The following RCAN2 variants were observed in gnomAD, a reference collection of about 807,000 sequenced individuals.
The protein encoded by RCAN2 is calcipressin-2.
In RCAN2, 9 loss-of-function variants were observed where a neutral mutation model predicts 23.6. The ratio of observed to expected loss-of-function variants is 0.38; its 90% CI spans 0.23 to 0.67. RCAN2 has a LOEUF of 0.67. Ranked by LOEUF, RCAN2 falls within the 30% of genes least tolerant of loss-of-function variation. The probability of loss-of-function intolerance (pLI) is 0.51; values close to 1 mark genes in which losing one functional copy is unlikely to be tolerated. For synonymous variants in RCAN2, 109 were observed against 115.7 expected, an observed-to-expected ratio of 0.94 and a Z score of 0.37; for missense variants, 273 against 302.3, an observed-to-expected ratio of 0.90 and a Z score of 0.72.
chr6:46,346,100 A>G (rs1561868546), intron 2 of RCAN2, among the ~76,000 whole-genome samples: 1 of 152,176 alleles, frequency 6.6e-6, no homozygotes, highest in Non-Finnish European at 1.5e-5. Flanking sequence ...TTAGAAATCA[A>G]TTTGAAAATA....
intron 2 of RCAN2, among the ~76,000 whole-genome samples, chr6:46,355,615 C>G (rs1339295161): frequency 1.3e-5 from 2 of 152,218 alleles, no homozygotes. Context: ...GGCAATATAT[C>G]ACCCAAATCT....
rs1561834127 is a variant in RCAN2, at chr6:46,263,549, GTGTGTGTGTGTA to G, written c.226-14665_226-14654del. On this transcript the variant is annotated intron_variant, in intron 2 of 4. Transcript: ENST00000371374. ...TGTGTGTGTGTGTGTATGTGTGTGT[GTGTGTGTGTGTA>G]TGTGTGTGTGTGTTAGTATAGGGGG... Among the ~76,000 whole-genome samples the G allele has an allele frequency of 6.8e-4, 94 of 137,862 alleles. 1 individual carries two copies. The highest frequency in any genetic ancestry group is 2.3e-3 in the African/African-American group (82 of 36,294). The allele number at this position is 137,862 out of a possible 152,430, so 90.4% of individuals were successfully genotyped here. A position where few individuals can be genotyped will look rare whatever the true frequency, so the allele number is the denominator to read the frequency against.
intron 2 of RCAN2, among the ~76,000 whole-genome samples, chr6:46,366,057 A>C (rs1051319889): frequency 6.6e-6 from 1 of 152,132 alleles, no homozygotes; most frequent in Non-Finnish European, 1.5e-5. Context: ...AGAATGTGTG[A>C]GGCCAGGATT....
At chr6:46,228,677 G>A (rs1035664053) in intron 4 of RCAN2, among the ~76,000 whole-genome samples, 3 of 152,028 alleles carry the variant, frequency 2.0e-5, no homozygotes, top group Non-Finnish European at 2.9e-5. Flanking sequence ...GTCTCCGCAC[G>A]TGAGATGGGT....
In RCAN2 at chr6:46,369,838, C is replaced by T. The variant is rs183823775; in HGVS notation, c.225+86914G>A. 2.3e-4 allele frequency among the ~76,000 whole-genome samples: 35 copies of T among 152,246 alleles called. No homozygotes were observed. The East Asian group carries it at 6.2e-3, about 27-fold the overall frequency. On this transcript the variant is annotated intron_variant, in intron 2 of 4. Transcript: ENST00000371374. ...TTTTATTTCCTAACGACAAGAGCAG[C>T]TAATCACTTTTCCAATGGCCTTTCC...
intron 2 of RCAN2, among the ~76,000 whole-genome samples, chr6:46,386,990 A>G (rs1254067468): frequency 1.3e-5 from 2 of 152,244 alleles, no homozygotes; most frequent in African/African-American, 4.8e-5. Context: ...TGACAAAAAC[A>G]AGAAATGTGG....
intron 2 of RCAN2, among the ~76,000 whole-genome samples, chr6:46,449,782 A>C (rs1441081861): frequency 6.6e-6 from 1 of 152,018 alleles, no homozygotes; most frequent in East Asian, 1.9e-4. Context: ...ATTCAGAAGA[A>C]TGAAATCAGA....
chr6:46,375,168 C>T (rs1379651787), intron 2 of RCAN2, among the ~76,000 whole-genome samples: 2 of 152,198 alleles, frequency 1.3e-5, no homozygotes, highest in African/African-American at 2.4e-5. Context: ...TGATCTTGAA[C>T]TCCTCACCTC....
At chr6:46,413,612 A>G (rs1355949584) in intron 2 of RCAN2, among the ~76,000 whole-genome samples, 3 of 152,216 alleles carry the variant, frequency 2.0e-5, no homozygotes, top group East Asian at 3.8e-4. Context: ...TCTTAGAAAT[A>G]TAAGATTTAC....
chr6:46,386,833 G>A (rs538823212), intron 2 of RCAN2, among the ~76,000 whole-genome samples: 33 of 152,122 alleles, frequency 2.2e-4, no homozygotes, highest in African/African-American at 6.3e-4. Flanking sequence ...GAGGCATCAC[G>A]CTACCTGACT....
chr6:46,345,188 A>G (rs1764444537), intron 2 of RCAN2, among the ~76,000 whole-genome samples: 1 of 152,130 alleles, frequency 6.6e-6, no homozygotes, highest in South Asian at 2.1e-4. Flanking sequence ...TATAATTTTC[A>G]TATCAAGAAA....
chr6:46,240,688 GT>G (rs1470595323), intron 4 of RCAN2, among the ~76,000 whole-genome samples: 2 of 152,160 alleles, frequency 1.3e-5, no homozygotes, highest in African/African-American at 4.8e-5. Context: ...AAAAACATAG[GT>G]GTTCATCTAT....
chr6:46,477,055 G>A (rs977167632), intron 1 of RCAN2, among the ~76,000 whole-genome samples: 1 of 152,156 alleles, frequency 6.6e-6, no homozygotes, highest in Non-Finnish European at 1.5e-5. Context: ...GCATGGGCCA[G>A]GAGGGTGGCA....
chr6:46,375,737 G>A (rs1379201617), intron 2 of RCAN2, among the ~76,000 whole-genome samples: 1 of 152,208 alleles, frequency 6.6e-6, no homozygotes, highest in African/African-American at 2.4e-5. Flanking sequence ...TGTCATGGTA[G>A]TGCAGAAGCA....
chr6:46,368,467 G>GA (rs1434531768), intron 2 of RCAN2, among the ~76,000 whole-genome samples: 2 of 152,144 alleles, frequency 1.3e-5, no homozygotes, highest in African/African-American at 4.8e-5. Flanking sequence ...GGTATGTCCT[G>GA]AGAAATAGGC....
chr6:46,294,826 G>A (rs148952062), intron 2 of RCAN2, among the ~76,000 whole-genome samples: 125 of 152,174 alleles, frequency 8.2e-4, no homozygotes, highest in African/African-American at 2.6e-3. Flanking sequence ...TGTGTCCAAC[G>A]CATTGTCCAA....
intron 2 of RCAN2, among the ~76,000 whole-genome samples, chr6:46,345,165 G>A (rs1231659588): frequency 1.3e-5 from 2 of 151,976 alleles, no homozygotes; most frequent in African/African-American, 4.8e-5. Context: ...TAGAAATTAG[G>A]ATGTAGATAT....
intron 2 of RCAN2, among the ~76,000 whole-genome samples, chr6:46,449,670 G>GGATTTACAGTCAATT (rs1460927125): frequency 3.7e-4 from 56 of 151,764 alleles, no homozygotes; most frequent in African/African-American, 1.3e-3. Context: ...ATAAATCCAT[G>GGATTTACAGTCAATT]GATTTACAGT....
rs1192596807 is a variant in RCAN2, at chr6:46,365,573, G to A, written c.225+91179C>T. On this transcript the variant is annotated intron_variant, in intron 2 of 4. Coordinates refer to ENST00000371374, the MANE Select transcript of RCAN2 (RefSeq NM_001251974.2). The stretch of plus-strand genomic sequence containing the variant: ...CAAAACCAGTCCCTGGTGCCAAAAA[G>A]TTTGGAGACGGCTGCTATAAGGTAT... 5.3e-5 allele frequency among the ~76,000 whole-genome samples: 8 copies of A among 152,172 alleles called. No homozygotes were observed. In the South Asian group the frequency reaches 1.2e-3, roughly 24 times the overall value.
Sources: allele counts gnomAD v4.1 joint callset (sites outside exome capture counted in the v4.1 genomes callset), GRCh38; gene constraint gnomAD v4.1.1; transcripts MANE v1.5; gene names NCBI Gene and HGNC (gene_info 2026-07-23, HGNC 2026-07-21).